The following TTN variants were observed in gnomAD, a reference collection of about 807,000 sequenced individuals.
TTN encodes the protein titin.
In TTN, 1,525 loss-of-function variants were observed where a neutral mutation model predicts 3,223.0. The ratio of observed to expected loss-of-function variants is 0.47; its 90% CI spans 0.45 to 0.49. TTN has a LOEUF of 0.49. Ranked by LOEUF, TTN falls within the 20% of genes least tolerant of loss-of-function variation. The pLI, the probability that TTN is intolerant of heterozygous loss-of-function variation, is 0.00. For synonymous variants in TTN, 14,094 were observed against 15,161.0 expected, an observed-to-expected ratio of 0.93 and a Z score of 5.17; for missense variants, 40,786 against 43,424.0, an observed-to-expected ratio of 0.94 and a Z score of 5.40.
chr2:178,562,223 T>C lies in TTN; in HGVS notation c.83909A>G (p.His27970Arg). The stretch of plus-strand genomic sequence containing the variant: ...TTCTCTAGCCTTTACATTGAAAGTA[T>C]GGAAAGGAAGCTCAACTGAAGGCTT... ...EIKPSVELPFHTFNVKAREQL... is the reference protein window; with the variant it reads ...EIKPSVELPFRTFNVKAREQL... Residue 27970 changes from histidine (H) to arginine (R), a missense_variant, in exon 326 of 363, where the codon CAT becomes CGT. Coordinates refer to ENST00000589042, the MANE Select transcript of TTN (RefSeq NM_001267550.2). The C allele has an allele frequency of 6.2e-7, 1 of 1,612,656 alleles. No homozygotes were observed. The highest frequency in any genetic ancestry group is 8.5e-7 in the Non-Finnish European group (1 of 1,179,400).
At position 178,664,094 on chromosome 2, in the gene TTN, G is replaced by T. The variant is rs201184203; in HGVS notation, c.36285C>A (p.His12095Gln). Residue 12095 changes from histidine (H) to glutamine (Q), a missense_variant, in exon 169 of 363, where the codon CAC becomes CAA. Transcript: ENST00000589042. ...QRAEVVPVKV[H>Q]EAPKEIIPEK... The stretch of plus-strand genomic sequence containing the variant: ...CAGGGATAATCTCTTTGGGAGCTTC[G>T]TGCACTTGAAAGATATTAGTATTTT... 7 of 1,608,544 alleles carry T rather than the reference G, an allele frequency of 4.4e-6. No homozygotes were observed. In the South Asian group the frequency reaches 5.5e-5, roughly 13 times the overall value.
At position 178,598,853 on chromosome 2, in the gene TTN, G is replaced by C; in HGVS notation, c.56857C>G (p.Leu18953Val). Reference sequence around the variant, plus strand: ...AATTGATAGTCGGAACCTTCAATAAGACCAGTCACTTTATAAGAAACACCC... The same window carrying C: ...AATTGATAGTCGGAACCTTCAATAACACCAGTCACTTTATAAGAAACACCC... ...TLGVSYKVTG[L>V]IEGSDYQFRV... The change falls in exon 291 of 363, where the codon CTT becomes GTT. Residue 18953 changes from leucine to valine, a missense_variant. Transcript: ENST00000589042. 1 of 1,613,262 alleles carries C rather than the reference G, an allele frequency of 6.2e-7. No homozygotes were observed. Among genetic ancestry groups the C allele is most frequent in the Non-Finnish European group, 8.5e-7 (1 of 1,179,506 alleles).
Position 178,574,210 on chromosome 2 carries a change from G to A in TTN, c.71922C>T (p.Ala23974=), listed in dbSNP as rs879179764. 29 of 1,613,262 alleles carry A rather than the reference G, an allele frequency of 1.8e-5. No homozygotes were observed. Among genetic ancestry groups the A allele is most frequent in the Non-Finnish European group, 2.1e-5 (25 of 1,179,548 alleles). ...CATTCTCCAAAATGTTGCTGAAGTT[G>A]GCCTTCAGCCACCGTCCATTAGGAA... ...RDLPNGRWLK[A]NFSNILENEF... Residue 23974 remains alanine, a synonymous_variant, in exon 326 of 363, where the codon GCC becomes GCT. Transcript: ENST00000589042.
Position 178,650,260 on chromosome 2 carries a change from G to A in TTN, c.39721C>T (p.Pro13241Ser), listed in dbSNP as rs1459777477. ...TCCTCTTCAGGAGCAATTTCCTCAG[G>A]TTCTTCATATACTTTAAAGATATTA... ...ESPPPEVYEEPEEIAPEEEIA... is the reference protein window; with the variant it reads ...ESPPPEVYEESEEIAPEEEIA... Residue 13241 changes from proline to serine, a missense_variant, in exon 210 of 363, where the codon CCT becomes TCT. Pro to Ser is a moderately conservative substitution (Grantham distance 74). Transcript: ENST00000589042. 6.3e-7 allele frequency: 1 copy of A among 1,581,266 alleles called. No individual in the cohort carries two copies. The highest frequency in any genetic ancestry group is 1.8e-5 in the Admixed American group (1 of 56,294).
At position 178,639,802 on chromosome 2, in the gene TTN, T is replaced by A. The variant is rs1262618821; in HGVS notation, c.40787-14A>T. 1 of 1,568,210 alleles carries A rather than the reference T, an allele frequency of 6.4e-7. No individual in the cohort carries two copies. The highest frequency in any genetic ancestry group is 2.0e-5 in the Admixed American group (1 of 50,552). ...TTGTTTTCACTTCTGTAGAGAGAAGTCCATTGCATTAGTGTATCAATTTGT... is the reference window on the plus strand; with the variant it reads ...TTGTTTTCACTTCTGTAGAGAGAAGACCATTGCATTAGTGTATCAATTTGT... On this transcript the variant is annotated splice_polypyrimidine_tract_variant and intron_variant, in intron 222 of 362. Coordinates refer to ENST00000589042, the MANE Select transcript of TTN (RefSeq NM_001267550.2).
At position 178,634,108 on chromosome 2, in the gene TTN, C is replaced by G. The variant is rs751962772; in HGVS notation, c.42416-25G>C. ...CCTGAAATGCAAGCATAGATAATGC[C>G]TCAGAAACACAATTCACCTTCAGAA... is the stretch of plus-strand genomic sequence containing the variant. On this transcript the variant is annotated intron_variant, in intron 230 of 362. Transcript: ENST00000589042. The surrounding 1 kb of genome is among the most constrained non-coding windows in gnomAD (Gnocchi z 4.6). 48 of 1,608,902 alleles carry G rather than the reference C, an allele frequency of 3.0e-5. No homozygotes were observed. Among genetic ancestry groups the G allele is most frequent in the Non-Finnish European group, 3.9e-5 (46 of 1,178,744 alleles).
At position 178,718,940 on chromosome 2, in the gene TTN, A is replaced by T. The variant is rs764391944; in HGVS notation, c.24260T>A (p.Val8087Glu). 1 of 1,611,076 alleles carries T rather than the reference A, an allele frequency of 6.2e-7. No individual in the cohort carries two copies. Among genetic ancestry groups the T allele is most frequent in the Non-Finnish European group, 8.5e-7 (1 of 1,178,600 alleles). Residue 8087 changes from valine (V) to glutamate (E), a missense_variant, in exon 84 of 363, where the codon GTG becomes GAG. Transcript: ENST00000589042. ...PPSFEQTPDSVEVLPGMSLTF... is the reference protein window; with the variant it reads ...PPSFEQTPDSEEVLPGMSLTF... The stretch of plus-strand genomic sequence containing the variant: ...GAGGCTCATTCCAGGCAAAACTTCC[A>T]CAGAATCAGGGGTTTGTTCAAAAGA...
rs16866477 is a variant in TTN at position 178,731,454 on chromosome 2, G to A, written c.17312C>T (p.Thr5771Ile). ...VTWLKDSDEI[T>I]EDDNIRMTFE... ...GGTCATTCTTATATTATCGTCTTCAGTGATTTCATCGCTGTCTTTTAGCCA... is the reference window on the plus strand; with the variant it reads ...GGTCATTCTTATATTATCGTCTTCAATGATTTCATCGCTGTCTTTTAGCCA... Residue 5771 changes from threonine to isoleucine, a missense_variant, in exon 59 of 363, where the codon ACT (threonine) becomes ATT (isoleucine). Coordinates refer to ENST00000589042, the MANE Select transcript of TTN (RefSeq NM_001267550.2). The A allele has an allele frequency of 6.2e-7, 1 of 1,613,622 alleles. No homozygotes were observed. Among genetic ancestry groups the A allele is most frequent in the Non-Finnish European group, 8.5e-7 (1 of 1,179,792 alleles).
At position 178,731,479 on chromosome 2, in the gene TTN, A is replaced by G. The variant is rs897659304; in HGVS notation, c.17287T>C (p.Trp5763Arg). 6.2e-7 allele frequency: 1 copy of G among 1,613,666 alleles called. No homozygotes were observed. Among genetic ancestry groups the G allele is most frequent in the Non-Finnish European group, 8.5e-7 (1 of 1,179,752 alleles). ...GTGATTTCATCGCTGTCTTTTAGCC[A>G]AGTCACCGTAATTGGCAAGGAGCCC... ...LKGSLPITVTWLKDSDEITED... is the reference protein window; with the variant it reads ...LKGSLPITVTRLKDSDEITED... The change falls in exon 59 of 363, where the codon TGG (tryptophan) becomes CGG (arginine). Residue 5763 changes from tryptophan to arginine, a missense_variant. Transcript: ENST00000589042.
Position 178,781,150 on chromosome 2 carries a change from G to A in TTN, c.3494C>T (p.Thr1165Ile). 6.2e-7 allele frequency: 1 copy of A among 1,614,002 alleles called. No individual in the cohort carries two copies. The highest frequency in any genetic ancestry group is 8.5e-7 in the Non-Finnish European group (1 of 1,179,954). ...TIVVRNKHGE[T>I]SASASLLEEA... ...TTCAAGCAAGGAAGCAGATGCAGAA[G>A]TTTCTCCATGCTTATTGCGAACAAC... The change falls in exon 21 of 363, where the codon ACT (threonine) becomes ATT (isoleucine). Residue 1165 changes from threonine (T) to isoleucine (I), a missense_variant. Transcript: ENST00000589042.
At chr2:178,600,409 CCATA>C (rs1330974616) in intron 288 of TTN, 4 of 60,998 alleles carry the variant, frequency 6.6e-5, no homozygotes, top group African/African-American at 2.7e-4. Context: ...AGAATTATTA[CCATA>C]TATATATATA....
chr2:178,612,880 C>A lies in TTN; in HGVS notation c.49841G>T (p.Gly16614Val). The A allele has an allele frequency of 6.2e-7, 1 of 1,612,564 alleles. No homozygotes were observed. ...TGAGTATTCCTGTCCTTCCATGAGC[C>A]CTGGGAGCAAGTGCTGAGTGGTGGG... Reference protein sequence around the residue: ...GVPTTQHLLPGLMEGQEYSFR... With the variant: ...GVPTTQHLLPVLMEGQEYSFR... Residue 16614 changes from glycine (G) to valine (V), a missense_variant, in exon 265 of 363, where the codon GGG becomes GTG. Gly to Val is a moderately radical substitution (Grantham distance 109, BLOSUM62 -3). Transcript: ENST00000589042.
Position 178,707,514 on chromosome 2 carries a change from A to C in TTN, c.29041+12T>G, listed in dbSNP as rs975642954. On this transcript the variant is annotated intron_variant, in intron 100 of 362. Coordinates refer to ENST00000589042, the MANE Select transcript of TTN (RefSeq NM_001267550.2). ...TGGCTTGAGCTGCATAATACTTTTG[A>C]GGTGTCTGTACCTTTAATGGTCACT... is the stretch of plus-strand genomic sequence containing the variant. 5 of 1,603,952 alleles carry C rather than the reference A, an allele frequency of 3.1e-6. No individual in the cohort carries two copies. The African/African-American group carries it at 4.0e-5, about 13-fold the overall frequency.
In TTN at chr2:178,777,503, G is replaced by A; in HGVS notation, c.4562C>T (p.Thr1521Ile). ...AGTCCATTCCCCAGAATCACTGGGTGTGGCAGGGACAATAATTAGTGATTG... is the reference window on the plus strand; with the variant it reads ...AGTCCATTCCCCAGAATCACTGGGTATGGCAGGGACAATAATTAGTGATTG... ...GTQSLIIVPA[T>I]PSDSGEWTVV... The change falls in exon 26 of 363, where the codon ACA (threonine) becomes ATA (isoleucine). Residue 1521 changes from threonine to isoleucine, a missense_variant. Transcript: ENST00000589042. The A allele has an allele frequency of 1.2e-6, 2 of 1,613,862 alleles. No individual in the cohort carries two copies. Among genetic ancestry groups the A allele is most frequent in the Non-Finnish European group, 1.7e-6 (2 of 1,179,928 alleles).
At chr2:178,766,706 G>T in intron 40 of TTN, 94 bp from the exon 41 acceptor site, 1 of 940,694 alleles carries the variant, frequency 1.1e-6, no homozygotes, top group Non-Finnish European at 1.7e-6. Flanking sequence ...ACTGGTCAAT[G>T]AATGGCATGT....
Position 178,779,455 on chromosome 2 carries a change from T to A in TTN, c.3737A>T (p.His1246Leu), listed in dbSNP as rs201988645. ...VRTYVEDQEF[H>L]ISSFEERLIK... Reference sequence around the variant, plus strand: ...AAGTCTCTCTTCAAAGGAAGAAATATGGAATTCCTATGCAAAAAGATTATG... The same window carrying A: ...AAGTCTCTCTTCAAAGGAAGAAATAAGGAATTCCTATGCAAAAAGATTATG... The change falls in exon 23 of 363, where the codon CAT becomes CTT. Residue 1246 changes from histidine to leucine, a missense_variant. His to Leu is a moderately conservative substitution (Grantham distance 99). Coordinates refer to ENST00000589042, the MANE Select transcript of TTN (RefSeq NM_001267550.2). The A allele has an allele frequency of 5.9e-6, 9 of 1,520,592 alleles. No individual in the cohort carries two copies. Among genetic ancestry groups the A allele is most frequent in the Middle Eastern group, 3.8e-4 (2 of 5,290 alleles). 94.2% of individuals were successfully genotyped at this position (1,520,592 alleles called of 1,614,324 possible).
At chr2:178,754,641 C>A (rs1034950117) in intron 46 of TTN, among the ~76,000 whole-genome samples, 5 of 152,160 alleles carry the variant, frequency 3.3e-5, no homozygotes, top group African/African-American at 1.2e-4. Flanking sequence ...ACCTACAGGA[C>A]TTGTAGACAA....
At position 178,545,456 on chromosome 2, in the gene TTN, G is replaced by A. The variant is rs1307812044; in HGVS notation, c.95654C>T (p.Ala31885Val). 10 of 1,611,606 alleles carry A rather than the reference G, an allele frequency of 6.2e-6. No homozygotes were observed. Among genetic ancestry groups the A allele is most frequent in the Non-Finnish European group, 5.9e-6 (7 of 1,178,048 alleles). ...CTCACTGTTACCAGCTGCATTCACT[G>A]CGGTCACCCGGAACTGGTAATCACA... ...EGCDYQFRVT[A>V]VNAAGNSEPS... Residue 31885 changes from alanine (A) to valine (V), a missense_variant, in exon 344 of 363, where the codon GCA becomes GTA. Coordinates refer to ENST00000589042, the MANE Select transcript of TTN (RefSeq NM_001267550.2).
In TTN at chr2:178,770,622, C is replaced by T. The variant is rs1346689247; in HGVS notation, c.8170G>A (p.Ala2724Thr). ...KNLTVTETQD[A>T]VFTVELTHPN... ...TGTGTAAGCTCGACAGTGAAAACAG[C>T]ATCCTGTGTTTCTGTCACTGTGAGG... Residue 2724 changes from alanine (A) to threonine (T), a missense_variant, in exon 35 of 363, where the codon GCT becomes ACT. By Grantham distance (58) the Ala-to-Thr change is moderately conservative. Transcript: ENST00000589042. 1.2e-6 allele frequency: 2 copies of T among 1,614,050 alleles called. No homozygotes were observed. The highest frequency in any genetic ancestry group is 8.5e-7 in the Non-Finnish European group (1 of 1,180,014).
Sources: gnomAD v4.1 joint callset for allele counts (sites outside exome capture counted in the v4.1 genomes callset) on GRCh38, gnomAD v4.1.1 for gene constraint, Gnocchi (gnomAD v3.1) non-coding constraint, MANE v1.5 for transcripts, NCBI Gene and HGNC (gene_info 2026-07-23, HGNC 2026-07-21) for gene names.